TMEM63A: variants seen among roughly 807,000 people sequenced by gnomAD.
TMEM63A encodes the protein mechanosensitive cation channel TMEM63A.
A neutral mutation model predicts 100.6 loss-of-function variants in TMEM63A; 76 were observed. The ratio of observed to expected loss-of-function variants is 0.76; its 90% CI spans 0.63 to 0.91. TMEM63A has a LOEUF of 0.91. Among genes scored for constraint, TMEM63A ranks in the 40% least tolerant of loss-of-function variants. The probability of loss-of-function intolerance (pLI) is 0.00; values close to 1 mark genes in which losing one functional copy is unlikely to be tolerated. For synonymous variants in TMEM63A, 401 were observed against 401.1 expected (o/e 1.00, Z 0.00); for missense variants, 876 against 1,008.8 (o/e 0.87, Z 1.78).
chr1:225,860,735 C>G, intron 14 of TMEM63A, 125 bp downstream of exon 14: 1 of 1,259,078 alleles, frequency 7.9e-7, no homozygotes. Flanking sequence ...GCATCACAGC[C>G]CACAGAATTG....
intron 5 of TMEM63A, among the ~76,000 whole-genome samples, 174 bp from the exon 6 acceptor site, chr1:225,871,287 C>G (rs1047895751): frequency 2.0e-5 from 3 of 152,180 alleles, no homozygotes; most frequent in African/African-American, 7.2e-5. Flanking sequence ...CACCACATGC[C>G]TGGAACTCTT....
At position 225,879,329 on chromosome 1, in the gene TMEM63A, G is replaced by A. The variant is rs111277075; in HGVS notation, c.-124C>T. ...CCCCAGCCACCTCCCAAGCTGCCAA[G>A]GGCCAGGCGTCGGGCCTAACACTCA... On this transcript the variant is annotated 5_prime_UTR_variant, in exon 2 of 25. Transcript: ENST00000366835. 2.6e-5 allele frequency: 4 copies of A among 152,416 alleles called. No individual in the cohort carries two copies. The highest frequency in any genetic ancestry group is 9.6e-5 in the African/African-American group (4 of 41,562). 9.4% of individuals were successfully genotyped at this position (152,416 alleles called of 1,614,324 possible).
intron 18 of TMEM63A, among the ~76,000 whole-genome samples, chr1:225,854,318 C>T (rs1213930373): frequency 6.6e-6 from 1 of 152,132 alleles, no homozygotes; most frequent in Non-Finnish European, 1.5e-5. Flanking sequence ...GGGCTGGGGG[C>T]CAGCCCAGGA....
At chr1:225,864,333 A>T (rs1559044330) in intron 10 of TMEM63A, 1 of 152,234 alleles carries the variant, frequency 6.6e-6, no homozygotes. Context: ...ATCAATCATG[A>T]AATTAAACAG....
At position 225,845,781 on chromosome 1, in the gene TMEM63A, GGGGCAAGT is replaced by G; in HGVS notation, c.*1150_*1157del. Reference sequence around the variant, plus strand: ...AGAGGCAGCACTGGCCACCACTGCGGGGGCAAGTCAGCGTCAAGAGAGTCCCTGAGTGA... The same window carrying G: ...AGAGGCAGCACTGGCCACCACTGCGGCAGCGTCAAGAGAGTCCCTGAGTGA... On this transcript the variant is annotated 3_prime_UTR_variant, in exon 25 of 25. Coordinates refer to ENST00000366835, the MANE Select transcript of TMEM63A (RefSeq NM_014698.3). 1 of 279,450 alleles carries G rather than the reference GGGGCAAGT, an allele frequency of 3.6e-6. No homozygotes were observed. 17.3% of individuals were successfully genotyped at this position (279,450 alleles called of 1,614,324 possible).
At chr1:225,866,983 A>T in intron 8 of TMEM63A, 129 bp downstream of exon 8, 1 of 954,132 alleles carries the variant, frequency 1.0e-6, no homozygotes, top group Non-Finnish European at 1.7e-6. Context: ...TCAACAACTC[A>T]CTAGCTGCAA....
At chr1:225,845,226 A>G (rs552056481), downstream of TMEM63A, 97 of 1,614,094 alleles carry the variant, frequency 6.0e-5, 1 homozygote, top group South Asian at 1.0e-3. Context: ...GTGAGGTTCA[A>G]GTACCCAAAG....
At position 225,850,148 on chromosome 1, in the gene TMEM63A, C is replaced by A. The variant is rs529658163; in HGVS notation, c.1904-69G>T. The A allele has an allele frequency of 2.0e-5, 31 of 1,561,364 alleles. No individual in the cohort carries two copies. In the East Asian group the frequency reaches 7.1e-4, roughly 36 times the overall value. On this transcript the variant is annotated intron_variant, in intron 20 of 24. Coordinates refer to ENST00000366835, the MANE Select transcript of TMEM63A (RefSeq NM_014698.3). ...ACAGACACCTCTGTCCTCTTCCTCTCCGGGGCGGCTATTTTGGCAAGGAGC... is the reference window on the plus strand; with the variant it reads ...ACAGACACCTCTGTCCTCTTCCTCTACGGGGCGGCTATTTTGGCAAGGAGC...
intron 6 of TMEM63A, among the ~76,000 whole-genome samples, chr1:225,868,727 C>T (rs1240448881): frequency 6.6e-6 from 1 of 151,778 alleles, no homozygotes; most frequent in Non-Finnish European, 1.5e-5. Context: ...GGGAATATGC[C>T]CAGGCCCCAG....
rs1208584767 is a variant in TMEM63A at position 225,847,022 on chromosome 1, C to G, written c.*6+12G>C. 1.3e-6 allele frequency: 2 copies of G among 1,598,762 alleles called. No homozygotes were observed. Among genetic ancestry groups the G allele is most frequent in the East Asian group, 4.5e-5 (2 of 44,658 alleles). On this transcript the variant is annotated intron_variant, in intron 24 of 24. Coordinates refer to ENST00000366835, the MANE Select transcript of TMEM63A (RefSeq NM_014698.3). ...ACAGGCTCCCCTGAGCCTGGCCCAG[C>G]CAGCAGCTCACCCAGCCTCAGGCCT...
At chr1:225,881,796 C>A (rs1172574539) in intron 1 of TMEM63A, among the ~76,000 whole-genome samples, 1 of 152,184 alleles carries the variant, frequency 6.6e-6, no homozygotes, top group Non-Finnish European at 1.5e-5. Context: ...TTTCCGCCCC[C>A]GCCCTTCCCC....
intron 14 of TMEM63A, 125 bp from the exon 15 acceptor site, chr1:225,859,474 C>G (rs559684466): frequency 2.6e-6 from 3 of 1,172,470 alleles, no homozygotes; most frequent in Non-Finnish European, 2.4e-6. Context: ...CTGCACTGAC[C>G]TTCAACTACA....
chr1:225,864,456 C>G (rs1292792936), intron 10 of TMEM63A: 1 of 152,192 alleles, frequency 6.6e-6, no homozygotes, highest in African/African-American at 2.4e-5. Flanking sequence ...ACAGCATTCA[C>G]TAAAAAGGCC....
At chr1:225,873,285 G>A (rs1182814583) in intron 4 of TMEM63A, among the ~76,000 whole-genome samples, 1 of 152,146 alleles carries the variant, frequency 6.6e-6, no homozygotes, top group Non-Finnish European at 1.5e-5. Context: ...GGCATCAGAT[G>A]TCCCAAAAGT....
chr1:225,874,075 G>A (rs190705911), intron 4 of TMEM63A, among the ~76,000 whole-genome samples: 1 of 152,278 alleles, frequency 6.6e-6, no homozygotes, highest in East Asian at 1.9e-4. Flanking sequence ...GTACAGGCCA[G>A]GTAGATACAC....
In TMEM63A at chr1:225,866,645, T is replaced by C. The variant is rs191489187; in HGVS notation, c.604A>G (p.Ile202Val). The C allele has an allele frequency of 6.2e-7, 1 of 1,614,092 alleles. No homozygotes were observed. The highest frequency in any genetic ancestry group is 8.5e-7 in the Non-Finnish European group (1 of 1,180,004). ...AAACCCACAGTGAGGAAGAGGTAAATGACAGCAAAGATGGTGTGCAGCCAA... is the reference window on the plus strand; with the variant it reads ...AAACCCACAGTGAGGAAGAGGTAAACGACAGCAAAGATGGTGTGCAGCCAA... Reference protein sequence around the residue: ...LLWLHTIFAVIYLFLTVGFMR... With the variant: ...LLWLHTIFAVVYLFLTVGFMR... Residue 202 changes from isoleucine (I) to valine (V), a missense_variant, in exon 9 of 25, where the codon ATT (isoleucine) becomes GTT (valine). By Grantham distance (29) the Ile-to-Val change is conservative (BLOSUM62 3). Coordinates refer to ENST00000366835, the MANE Select transcript of TMEM63A (RefSeq NM_014698.3).
intron 8 of TMEM63A, 55 bp from the exon 9 acceptor site, chr1:225,866,737 G>A (rs533810498): frequency 1.7e-5 from 27 of 1,544,568 alleles, no homozygotes; most frequent in Admixed American, 5.1e-5. Flanking sequence ...GGAGCTGGGG[G>A]TGCAGAGCTG....
intron 18 of TMEM63A, among the ~76,000 whole-genome samples, chr1:225,855,587 T>A (rs968658977): frequency 1.3e-5 from 2 of 152,096 alleles, no homozygotes; most frequent in Admixed American, 6.6e-5. Flanking sequence ...CTTCTCCCCA[T>A]GTGACTCTGT....
intron 1 of TMEM63A, among the ~76,000 whole-genome samples, chr1:225,879,725 C>T (rs189471626): frequency 1.4e-3 from 207 of 152,258 alleles, no homozygotes; most frequent in African/African-American, 4.9e-3. Context: ...CCACAGAAAC[C>T]CTGGAGGTTG....
Sources: allele counts gnomAD v4.1 joint callset (sites outside exome capture counted in the v4.1 genomes callset), GRCh38; gene constraint gnomAD v4.1.1; transcripts MANE v1.5; gene names NCBI Gene and HGNC (gene_info 2026-07-23, HGNC 2026-07-21).